Variants in RUFY3 observed in about 807,000 individuals in gnomAD.
RUFY3 encodes the protein protein RUFY3.
RUFY3 carries 34 observed loss-of-function variants against 84.0 expected under a neutral mutation model. The observed-to-expected ratio is 0.40, with a 90% confidence interval of 0.31 to 0.54. The LOEUF (loss-of-function observed/expected upper bound fraction) is 0.54. Ranked by LOEUF, RUFY3 falls within the 20% of genes least tolerant of loss-of-function variation. RUFY3 has a pLI of 0.39. For missense variants in RUFY3, 507 were observed against 736.8 expected, an observed-to-expected ratio of 0.69 and a Z score of 3.61; for synonymous variants, 242 against 252.9, an observed-to-expected ratio of 0.96 and a Z score of 0.41.
intron 1 of RUFY3, among the ~76,000 whole-genome samples, chr4:70,715,914 C>T (rs1282924427): frequency 6.6e-6 from 1 of 152,082 alleles, no homozygotes; most frequent in African/African-American, 2.4e-5. Context: ...GAGATCAAGA[C>T]CATCCTGGCT....
chr4:70,780,248 C>T lies in RUFY3; in HGVS notation c.894+1810C>T, dbSNP rs115459674. ...TAGGCTACTTGGGTTCATGTCCTGGCTCTGGCACTTGCTAGTTTTTTGTTT... is the reference window on the plus strand; with the variant it reads ...TAGGCTACTTGGGTTCATGTCCTGGTTCTGGCACTTGCTAGTTTTTTGTTT... On this transcript the variant is annotated intron_variant, in intron 8 of 17. Transcript: ENST00000381006. 3.0e-3 allele frequency among the ~76,000 whole-genome samples: 455 copies of T among 152,144 alleles called. 5 individuals carry two copies. The highest frequency in any genetic ancestry group is 1.0e-2 in the African/African-American group (414 of 41,522).
chr4:70,730,711 C>G (rs542053296), intron 1 of RUFY3, among the ~76,000 whole-genome samples: 14 of 152,058 alleles, frequency 9.2e-5, no homozygotes, highest in Non-Finnish European at 1.8e-4. Flanking sequence ...CGCACTCACT[C>G]CAGCCTGGGC....
intron 15 of RUFY3, among the ~76,000 whole-genome samples, chr4:70,801,051 A>G (rs1056683143): frequency 6.6e-6 from 1 of 152,010 alleles, no homozygotes; most frequent in Non-Finnish European, 1.5e-5. Flanking sequence ...CTGACTTTTT[A>G]TAGTTATTTT....
intron 5 of RUFY3, among the ~76,000 whole-genome samples, chr4:70,768,909 C>T (rs545280924): frequency 1.3e-5 from 2 of 152,256 alleles, no homozygotes; most frequent in South Asian, 4.1e-4. Flanking sequence ...TATACACACA[C>T]ACACATACAC....
intron 1 of RUFY3, among the ~76,000 whole-genome samples, chr4:70,745,844 G>T (rs1722115003): frequency 6.6e-6 from 1 of 152,166 alleles, no homozygotes; most frequent in African/African-American, 2.4e-5. Context: ...CCAGTACTTT[G>T]CGGGGCCGAG....
At chr4:70,777,630 A>G (rs1427566409) in intron 7 of RUFY3, among the ~76,000 whole-genome samples, 2 of 152,208 alleles carry the variant, frequency 1.3e-5, no homozygotes, top group African/African-American at 4.8e-5. Context: ...GGTTACAGTT[A>G]ACAATGAAAT....
Position 70,792,609 on chromosome 4 carries a change from C to T in RUFY3, c.1338-1176C>T, listed in dbSNP as rs1287880707. The T allele has an allele frequency of 3.0e-6, 3 of 985,040 alleles. No homozygotes were observed. The Admixed American group carries it at 1.8e-4, about 61-fold the overall frequency. The allele number at this position is 985,040 out of a possible 1,614,324, so 61.0% of individuals were successfully genotyped here. ...TACTTGGGTTTTTTTCTCTTTTTTT[C>T]ATTCTGGTATGCTTTGCAGCATTTC... On this transcript the variant is annotated intron_variant, in intron 12 of 17. Coordinates refer to ENST00000381006, the MANE Select transcript of RUFY3 (RefSeq NM_001037442.4).
At chr4:70,768,426 T>G (rs563474029) in intron 4 of RUFY3, 112 bp from the exon 5 acceptor site, 14 of 872,794 alleles carry the variant, frequency 1.6e-5, no homozygotes, top group Middle Eastern at 7.4e-4. Flanking sequence ...TGTAGATGGC[T>G]ATAATCAACC....
chr4:70,727,493 T>A (rs1356461172), intron 1 of RUFY3, among the ~76,000 whole-genome samples: 2 of 150,084 alleles, frequency 1.3e-5, no homozygotes. Context: ...GTAACTGGGA[T>A]TACAGGCAGA....
At chr4:70,803,440 T>C (rs1732481843) in intron 16 of RUFY3, among the ~76,000 whole-genome samples, 2 of 151,330 alleles carry the variant, frequency 1.3e-5, no homozygotes, top group Admixed American at 1.3e-4. Flanking sequence ...ATAAAATAAG[T>C]CCTACTGCTT....
At position 70,800,125 on chromosome 4, in the gene RUFY3, T is replaced by A. The variant is rs1355331152; in HGVS notation, c.1558-16T>A. 6.3e-7 allele frequency: 1 copy of A among 1,597,294 alleles called. No individual in the cohort carries two copies. Among genetic ancestry groups the A allele is most frequent in the African/African-American group, 1.4e-5 (1 of 73,810 alleles). ...ATTCTGAATAATTAATAAATTGGGC[T>A]GTTTTCTTTTGGCAGGATGGGAAGC... is the stretch of plus-strand genomic sequence containing the variant. On this transcript the variant is annotated splice_polypyrimidine_tract_variant and intron_variant, in intron 14 of 17. Coordinates refer to ENST00000381006, the MANE Select transcript of RUFY3 (RefSeq NM_001037442.4).
intron 1 of RUFY3, among the ~76,000 whole-genome samples, chr4:70,713,360 A>G (rs987837413): frequency 2.6e-4 from 39 of 152,342 alleles, no homozygotes; most frequent in African/African-American, 8.7e-4. Context: ...AAGCAGTGGT[A>G]CTTGAGAAGG....
At chr4:70,792,841 T>A (rs1356448301) in intron 12 of RUFY3, 1 of 985,312 alleles carries the variant, frequency 1.0e-6, no homozygotes, top group Non-Finnish European at 1.2e-6. Flanking sequence ...TCCTGTGCTC[T>A]TGAACTTATT....
Position 70,806,650 on chromosome 4 carries a change from C to T in RUFY3, c.1854C>T (p.Ser618=), listed in dbSNP as rs1420816470. ...HKHLMKQYST[S]PS ...ATCTGATGAAGCAATATTCTACCAG[C>T]CCATCATAAGACTGGAGGCCAAGAC... The change falls in exon 18 of 18, where the codon AGC becomes AGT. Residue 618 remains serine, a synonymous_variant. Transcript: ENST00000381006. 1.2e-6 allele frequency: 2 copies of T among 1,614,064 alleles called. No homozygotes were observed. Among genetic ancestry groups the T allele is most frequent in the East Asian group, 2.2e-5 (1 of 44,870 alleles).
At chr4:70,780,978 A>G (rs570327960) in intron 8 of RUFY3, among the ~76,000 whole-genome samples, 2 of 151,640 alleles carry the variant, frequency 1.3e-5, no homozygotes, top group South Asian at 2.1e-4. Context: ...GGCCAGGCAC[A>G]GTGGCTCATG....
At chr4:70,784,968 A>T in intron 10 of RUFY3, 89 bp downstream of exon 10, 2 of 840,510 alleles carry the variant, frequency 2.4e-6, no homozygotes, top group East Asian at 2.9e-5. Flanking sequence ...CAAGATTAGG[A>T]ATATCAGTAG....
At chr4:70,730,572 C>CAAAAAAAAAAAAAA (rs796173421) in intron 1 of RUFY3, among the ~76,000 whole-genome samples, 2 of 106,526 alleles carry the variant, frequency 1.9e-5, no homozygotes, top group African/African-American at 7.0e-5. Flanking sequence ...ACTAAAAATA[C>CAAAAAAAAAAAAAA]AAAAAAAAAA....
exon 1 of RUFY3, chr4:70,705,006 G>A (rs1355849464): frequency 2.4e-6 from 3 of 1,225,236 alleles, no homozygotes; most frequent in East Asian, 3.3e-5. Flanking sequence ...GAGGGGCGGG[G>A]AGTGGCGGCC....
At chr4:70,789,658 G>A (rs1730495091) in intron 12 of RUFY3, 66 bp downstream of exon 12, 1 of 1,535,404 alleles carries the variant, frequency 6.5e-7, no homozygotes, top group African/African-American at 1.4e-5. Flanking sequence ...AGAATGTGCT[G>A]TACATTCGGC....
Sources: allele counts gnomAD v4.1 joint callset (sites outside exome capture counted in the v4.1 genomes callset), GRCh38; gene constraint gnomAD v4.1.1; transcripts MANE v1.5; gene names NCBI Gene and HGNC (gene_info 2026-07-23, HGNC 2026-07-21).